Variants in AKAP5 observed in about 807,000 individuals in gnomAD.
AKAP5 encodes the protein A-kinase anchoring protein 5.
AKAP5 carries 5 observed loss-of-function variants against 13.8 expected under a neutral mutation model. That is an observed-to-expected ratio of 0.36 (90% confidence interval 0.19 to 0.76). AKAP5 has a LOEUF of 0.76. AKAP5 is among the 30% of genes least tolerant of loss of function. AKAP5 has a pLI of 0.51. For missense variants in AKAP5, 406 were observed against 484.4 expected (o/e 0.84, Z 1.52); for synonymous variants, 148 against 167.2 (o/e 0.89, Z 0.89).
chr14:64,469,048 T>C lies in AKAP5; in HGVS notation c.654T>C (p.Asn218=). The C allele has an allele frequency of 1.2e-6, 2 of 1,614,142 alleles. No homozygotes were observed. The highest frequency in any genetic ancestry group is 1.3e-5 in the African/African-American group (1 of 75,046). The change falls in exon 2 of 2, where the codon AAT becomes AAC. Residue 218 remains asparagine (N), a synonymous_variant. Coordinates refer to ENST00000394718, the MANE Select transcript of AKAP5 (RefSeq NM_004857.3). Reference sequence around the variant, plus strand: ...TTTCAGTAGAACTTGGATTAGATAATGGGCATTCTGCTATTCAAACGGGAA... The same window carrying C: ...TTTCAGTAGAACTTGGATTAGATAACGGGCATTCTGCTATTCAAACGGGAA... ...KVISVELGLD[N]GHSAIQTGTL...
intron 1 of AKAP5, chr14:64,467,570 A>T (rs1329673052): frequency 6.6e-6 from 1 of 152,106 alleles, no homozygotes; most frequent in East Asian, 1.9e-4. Flanking sequence ...ACATTTTTAG[A>T]ACAGAAACCT....
rs2078643558 is a variant in AKAP5, at chr14:64,469,328, A to G, written c.934A>G (p.Ser312Gly). 3 of 1,613,800 alleles carry G rather than the reference A, an allele frequency of 1.9e-6. No homozygotes were observed. The highest frequency in any genetic ancestry group is 2.5e-6 in the Non-Finnish European group (3 of 1,179,972). The change falls in exon 2 of 2, where the codon AGC becomes GGC. Residue 312 changes from serine (S) to glycine (G), a missense_variant. By Grantham distance (56) the Ser-to-Gly change is moderately conservative. Coordinates refer to ENST00000394718, the MANE Select transcript of AKAP5 (RefSeq NM_004857.3). ...AACTAAGCCAAAAGATACTGAATTG[A>G]GCCAAGAATCAGATTTTAAAGAAAA... Reference protein sequence around the residue: ...EETKPKDTELSQESDFKENGI... With the variant: ...EETKPKDTELGQESDFKENGI...
chr14:64,468,312 C>T lies in AKAP5; in HGVS notation c.-83C>T. The T allele has an allele frequency of 7.6e-7, 1 of 1,310,924 alleles. No individual in the cohort carries two copies. The allele number at this position is 1,310,924 out of a possible 1,614,324, so 81.2% of individuals were successfully genotyped here. A position where few individuals can be genotyped will look rare whatever the true frequency, so the allele number is the denominator to read the frequency against. On this transcript the variant is annotated 5_prime_UTR_variant, in exon 2 of 2. Coordinates refer to ENST00000394718, the MANE Select transcript of AKAP5 (RefSeq NM_004857.3). Reference sequence around the variant, plus strand: ...CTGGAAGAAATTTTACCTAGTGTGACATTTTTGCTCATCTTTTTGTCACAA... The same window carrying T: ...CTGGAAGAAATTTTACCTAGTGTGATATTTTTGCTCATCTTTTTGTCACAA...
Position 64,473,369 on chromosome 14 carries a change from G to A in AKAP5, c.*3691G>A, listed in dbSNP as rs1323379250. On this transcript the variant is annotated 3_prime_UTR_variant, in exon 2 of 2. Coordinates refer to ENST00000394718, the MANE Select transcript of AKAP5 (RefSeq NM_004857.3). ...AAGGTAATGTATTTGACAGCATGAAGTTTGTGATGATCTTACTTGGTCTAC... is the reference window on the plus strand; with the variant it reads ...AAGGTAATGTATTTGACAGCATGAAATTTGTGATGATCTTACTTGGTCTAC... The A allele has an allele frequency of 6.0e-6, 1 of 167,062 alleles. No homozygotes were observed. The highest frequency in any genetic ancestry group is 1.9e-4 in the East Asian group (1 of 5,206). The allele number at this position is 167,062 out of a possible 1,614,324, so 10.3% of individuals were successfully genotyped here. A position where few individuals can be genotyped will look rare whatever the true frequency, so the allele number is the denominator to read the frequency against.
chr14:64,470,425 A>G lies in AKAP5; in HGVS notation c.*747A>G, dbSNP rs1414041654. 6.3e-6 allele frequency: 1 copy of G among 159,570 alleles called. No homozygotes were observed. Among genetic ancestry groups the G allele is most frequent in the Non-Finnish European group, 1.5e-5 (1 of 68,136 alleles). 9.9% of individuals were successfully genotyped at this position (159,570 alleles called of 1,614,324 possible). On this transcript the variant is annotated 3_prime_UTR_variant, in exon 2 of 2. Transcript: ENST00000394718. ...GCCAATGTGGTGAAACCCCATCTCT[A>G]CTGAAAATACAAAAATTAGCTGGGC...
Position 64,468,695 on chromosome 14 carries a change from T to C in AKAP5, c.301T>C (p.Leu101=), listed in dbSNP as rs773502927. Residue 101 remains leucine (L), a synonymous_variant, in exon 2 of 2, where the codon TTG becomes CTG. Transcript: ENST00000394718. ...RSESSKQQKP[L]EGEMQPAINA... ...AGAGTCTTCAAAGCAGCAAAAGCCATTGGAGGGTGAAATGCAACCTGCAAT... is the reference window on the plus strand; with the variant it reads ...AGAGTCTTCAAAGCAGCAAAAGCCACTGGAGGGTGAAATGCAACCTGCAAT... 6.2e-6 allele frequency: 10 copies of C among 1,614,054 alleles called. No homozygotes were observed. The South Asian group carries it at 7.7e-5, about 12-fold the overall frequency.
Position 64,469,883 on chromosome 14 carries a change from T to A in AKAP5, c.*205T>A, listed in dbSNP as rs2078649977. On this transcript the variant is annotated 3_prime_UTR_variant, in exon 2 of 2. Coordinates refer to ENST00000394718, the MANE Select transcript of AKAP5 (RefSeq NM_004857.3). ...GCAGTCACTTCTGGATTGGAGGAAG[T>A]CAGCACAGATTGCAGTGTAAAATGA... 8.4e-6 allele frequency: 4 copies of A among 477,490 alleles called. No individual in the cohort carries two copies. The highest frequency in any genetic ancestry group is 4.0e-5 in the Admixed American group (1 of 25,280). 29.6% of individuals were successfully genotyped at this position (477,490 alleles called of 1,614,324 possible).
rs2141005590 is a variant in AKAP5, at chr14:64,471,055, AT to A, written c.*1380del. The A allele has an allele frequency of 6.0e-6, 1 of 167,180 alleles. No individual in the cohort carries two copies. The highest frequency in any genetic ancestry group is 6.5e-5 in the Admixed American group (1 of 15,302). The allele number at this position is 167,180 out of a possible 1,614,324, so 10.4% of individuals were successfully genotyped here. On this transcript the variant is annotated 3_prime_UTR_variant, in exon 2 of 2. Transcript: ENST00000394718. Reference sequence around the variant, plus strand: ...AAAGTTATTGCTAAAGCACATTATAATTTAAATGTCAGTATTCCTTCATGTC... The same window carrying A: ...AAAGTTATTGCTAAAGCACATTATAATTAAATGTCAGTATTCCTTCATGTC...
chr14:64,466,649 C>T (rs1273764516), intron 1 of AKAP5, among the ~76,000 whole-genome samples: 2 of 152,170 alleles, frequency 1.3e-5, no homozygotes, highest in African/African-American at 2.4e-5. Flanking sequence ...CAGTATGAAA[C>T]ACCCAACCTA....
In AKAP5 at chr14:64,473,448, C is replaced by G. The variant is rs1013737458; in HGVS notation, c.*3770C>G. ...ATTTACTTCTGAGAGATTGTTATTTCACCAGTATATGTGAACAGGCTTGCT... is the reference window on the plus strand; with the variant it reads ...ATTTACTTCTGAGAGATTGTTATTTGACCAGTATATGTGAACAGGCTTGCT... On this transcript the variant is annotated 3_prime_UTR_variant, in exon 2 of 2. Coordinates refer to ENST00000394718, the MANE Select transcript of AKAP5 (RefSeq NM_004857.3). The G allele has an allele frequency of 2.4e-5, 4 of 167,014 alleles. No homozygotes were observed. The highest frequency in any genetic ancestry group is 7.2e-5 in the African/African-American group (3 of 41,434). 10.3% of individuals were successfully genotyped at this position (167,014 alleles called of 1,614,324 possible). A position where few individuals can be genotyped will look rare whatever the true frequency, so the allele number is the denominator to read the frequency against.
At position 64,468,760 on chromosome 14, in the gene AKAP5, A is replaced by G; in HGVS notation, c.366A>G (p.Lys122=). 1 of 1,614,192 alleles carries G rather than the reference A, an allele frequency of 6.2e-7. No homozygotes were observed. Among genetic ancestry groups the G allele is most frequent in the Non-Finnish European group, 8.5e-7 (1 of 1,180,044 alleles). Reference sequence around the variant, plus strand: ...CTGATCTTTCTAAGAAAAAGGCAAAATCTAGACTTAAGATTCCCTGCATAA... The same window carrying G: ...CTGATCTTTCTAAGAAAAAGGCAAAGTCTAGACTTAAGATTCCCTGCATAA... The part of the protein sequence containing the change: ...EDADLSKKKA[K]SRLKIPCIKF... The change falls in exon 2 of 2, where the codon AAA becomes AAG. Residue 122 remains lysine (K), a synonymous_variant. Transcript: ENST00000394718.
rs749769329 is a variant in AKAP5 at position 64,470,031 on chromosome 14, G to C, written c.*353G>C. ...TTTTAATGACCTCTGATATAACAAAGTCTGGTTTCCTTTTGATAATTCAGC... is the reference window on the plus strand; with the variant it reads ...TTTTAATGACCTCTGATATAACAAACTCTGGTTTCCTTTTGATAATTCAGC... On this transcript the variant is annotated 3_prime_UTR_variant, in exon 2 of 2. Coordinates refer to ENST00000394718, the MANE Select transcript of AKAP5 (RefSeq NM_004857.3). 1 of 184,408 alleles carries C rather than the reference G, an allele frequency of 5.4e-6. No homozygotes were observed. The highest frequency in any genetic ancestry group is 2.4e-5 in the African/African-American group (1 of 42,096). 11.4% of individuals were successfully genotyped at this position (184,408 alleles called of 1,614,324 possible).
At position 64,470,634 on chromosome 14, in the gene AKAP5, A is replaced by G. The variant is rs2045024; in HGVS notation, c.*956A>G. 43,312 of 164,010 alleles carry G rather than the reference A, an allele frequency of 0.26. 6,061 individuals carry two copies. The highest frequency in any genetic ancestry group is 0.41 in the East Asian group (2,087 of 5,088). The allele number at this position is 164,010 out of a possible 1,614,324, so 10.2% of individuals were successfully genotyped here. ...AAGAGAACCATTCACAAATCCTTCA[A>G]TCAGGCAAATTGTTACTAAGTGCAA... On this transcript the variant is annotated 3_prime_UTR_variant, in exon 2 of 2. Transcript: ENST00000394718.
At chr14:64,466,810 C>T (rs2078617408) in intron 1 of AKAP5, among the ~76,000 whole-genome samples, 2 of 152,176 alleles carry the variant, frequency 1.3e-5, no homozygotes, top group Admixed American at 6.5e-5. Context: ...TTTAGGGCAT[C>T]CACCCACTAA....
chr14:64,468,777 C>A lies in AKAP5; in HGVS notation c.383C>A (p.Pro128His). 1 of 1,614,138 alleles carries A rather than the reference C, an allele frequency of 6.2e-7. No homozygotes were observed. The highest frequency in any genetic ancestry group is 2.2e-5 in the East Asian group (1 of 44,886). ...KKKAKSRLKI[P>H]CIKFPRGPKR... ...AAGGCAAAATCTAGACTTAAGATTCCCTGCATAAAATTCCCAAGAGGGCCA... is the reference window on the plus strand; with the variant it reads ...AAGGCAAAATCTAGACTTAAGATTCACTGCATAAAATTCCCAAGAGGGCCA... The change falls in exon 2 of 2, where the codon CCC becomes CAC. Residue 128 changes from proline to histidine, a missense_variant. Physicochemically the swap from Pro to His is moderately conservative, Grantham distance 77. Transcript: ENST00000394718.
intron 1 of AKAP5, among the ~76,000 whole-genome samples, chr14:64,466,662 A>G (rs147930856): frequency 1.3e-5 from 2 of 152,230 alleles, no homozygotes; most frequent in Admixed American, 6.5e-5. Context: ...CCAACCTAAG[A>G]TAATATTTAC....
intron 1 of AKAP5, among the ~76,000 whole-genome samples, chr14:64,466,416 C>A (rs572779159): frequency 6.6e-6 from 1 of 152,210 alleles, no homozygotes; most frequent in Non-Finnish European, 1.5e-5. Context: ...CAATGACAGA[C>A]TCCTAAACAT....
At chr14:64,468,007 T>C (rs1483725727) in intron 1 of AKAP5, 125 bp from the exon 2 acceptor site, 1 of 155,742 alleles carries the variant, frequency 6.4e-6, no homozygotes, top group Admixed American at 6.3e-5. Flanking sequence ...TATTCTCCAG[T>C]CATTTCATTA....
rs2078678480 is a variant in AKAP5, at chr14:64,472,053, G to C, written c.*2375G>C. On this transcript the variant is annotated 3_prime_UTR_variant, in exon 2 of 2. Coordinates refer to ENST00000394718, the MANE Select transcript of AKAP5 (RefSeq NM_004857.3). The stretch of plus-strand genomic sequence containing the variant: ...GGAGGAGGGTGGAAATCCTGAGCAA[G>C]ATGAAAAGTGTCATTCAAAACACAT... 2 of 166,550 alleles carry C rather than the reference G, an allele frequency of 1.2e-5. No individual in the cohort carries two copies. The highest frequency in any genetic ancestry group is 4.8e-5 in the African/African-American group (2 of 41,450). The allele number at this position is 166,550 out of a possible 1,614,324, so 10.3% of individuals were successfully genotyped here. A position where few individuals can be genotyped will look rare whatever the true frequency, so the allele number is the denominator to read the frequency against.
Sources: allele counts gnomAD v4.1 joint callset (sites outside exome capture counted in the v4.1 genomes callset), GRCh38; gene constraint gnomAD v4.1.1; transcripts MANE v1.5; gene names NCBI Gene and HGNC (gene_info 2026-07-23, HGNC 2026-07-21).